The following CNST variants were observed in gnomAD, a reference collection of about 807,000 sequenced individuals.
CNST encodes consortin, connexin sorting protein, also known as consortin.
Under a neutral mutation model 72.4 loss-of-function variants are expected in CNST, and 39 were observed. The observed-to-expected ratio is 0.54, with a 90% CI of 0.42 to 0.70. The LOEUF is 0.70. Ranked by LOEUF, CNST falls within the 30% of genes least tolerant of loss-of-function variation. The pLI, the probability that CNST is intolerant of heterozygous loss-of-function variation, is 0.00. For synonymous variants in CNST, 332 were observed against 320.1 expected (o/e 1.04, Z -0.40); for missense variants, 871 against 868.5 (o/e 1.00, Z -0.04).
chr1:246,615,713 T>C (rs1190835627), intron 2 of CNST, among the ~76,000 whole-genome samples: 1 of 151,314 alleles, frequency 6.6e-6, no homozygotes, highest in African/African-American at 2.4e-5. Flanking sequence ...ACCCCGTCTC[T>C]ACTAAAAATA....
chr1:246,627,164 C>T (rs1017158777), intron 3 of CNST, among the ~76,000 whole-genome samples: 1 of 152,276 alleles, frequency 6.6e-6, no homozygotes, highest in African/African-American at 2.4e-5. Flanking sequence ...TCTACATGAC[C>T]GTCACTGTGA....
chr1:246,634,988 C>CTGGGGTG (rs1270633328), intron 6 of CNST, among the ~76,000 whole-genome samples: 2 of 152,126 alleles, frequency 1.3e-5, no homozygotes, highest in Non-Finnish European at 2.9e-5. Flanking sequence ...TGTCTTCCGG[C>CTGGGGTG]CGGCCCTCTT....
chr1:246,614,621 G>A (rs536432179), intron 2 of CNST, among the ~76,000 whole-genome samples: 4 of 151,580 alleles, frequency 2.6e-5, no homozygotes, highest in Middle Eastern at 6.8e-3. Flanking sequence ...ATAGGCATGC[G>A]CCGCCACGCC....
chr1:246,591,303 G>C (rs1454762683), intron 1 of CNST, among the ~76,000 whole-genome samples: 4 of 152,194 alleles, frequency 2.6e-5, no homozygotes, highest in African/African-American at 4.8e-5. Context: ...TGATCATCAT[G>C]AGGAGACAGG....
chr1:246,645,423 ACTTTTTT>A, intron 8 of CNST, among the ~76,000 whole-genome samples: 1 of 106,082 alleles, frequency 9.4e-6, no homozygotes, highest in South Asian at 4.4e-4. Flanking sequence ...AAAGGTTAAA[ACTTTTTT>A]TTTTTTTTTT....
chr1:246,642,178 C>A (rs1265158593), intron 8 of CNST, 141 bp downstream of exon 8: 2 of 469,562 alleles, frequency 4.3e-6, no homozygotes, highest in Admixed American at 4.6e-5. Context: ...TGTACATATA[C>A]CTCTCCTAGA....
chr1:246,648,112 GT>G lies in CNST; in HGVS notation c.1836+80del, dbSNP rs535527194. ...ATATATATGTATTAAATATTGCCTT[GT>G]TTTTGTAAGTTTTCCCTTGTCTCAA... On this transcript the variant is annotated intron_variant, in intron 9 of 10. Coordinates refer to ENST00000366513, the MANE Select transcript of CNST (RefSeq NM_152609.3). 9.6e-4 allele frequency: 1,430 copies of G among 1,484,616 alleles called. 2 individuals carry two copies. Among genetic ancestry groups the G allele is most frequent in the Non-Finnish European group, 1.1e-3 (1,259 of 1,121,766 alleles). 92.0% of individuals were successfully genotyped at this position (1,484,616 alleles called of 1,614,324 possible). A position where few individuals can be genotyped will look rare whatever the true frequency, so the allele number is the denominator to read the frequency against.
chr1:246,633,623 G>A (rs1394614720), intron 4 of CNST, among the ~76,000 whole-genome samples: 2 of 149,908 alleles, frequency 1.3e-5, no homozygotes, highest in Non-Finnish European at 3.0e-5. Flanking sequence ...GGCGCCTGTA[G>A]TCTCAGCTAC....
chr1:246,615,985 T>G (rs556194428), intron 2 of CNST, among the ~76,000 whole-genome samples: 44 of 152,344 alleles, frequency 2.9e-4, no homozygotes, highest in Admixed American at 2.0e-4. Flanking sequence ...TTAGGTCTTA[T>G]GAATGTGCCT....
At chr1:246,572,172 C>T (rs1660106654) in intron 1 of CNST, among the ~76,000 whole-genome samples, 1 of 152,168 alleles carries the variant, frequency 6.6e-6, no homozygotes, top group African/African-American at 2.4e-5. Context: ...GTCAAGGCTG[C>T]AGTGAAGCAT....
intron 9 of CNST, among the ~76,000 whole-genome samples, chr1:246,650,039 T>A (rs1431652468): frequency 6.6e-6 from 1 of 152,024 alleles, no homozygotes; most frequent in Non-Finnish European, 1.5e-5. Context: ...TCCCAAATTA[T>A]TTTTCCCCAC....
At chr1:246,624,921 TG>T (rs1664318261) in intron 3 of CNST, among the ~76,000 whole-genome samples, 1 of 152,232 alleles carries the variant, frequency 6.6e-6, no homozygotes, top group African/African-American at 2.4e-5. Context: ...CCCAAAGTGC[TG>T]GGATTACAGG....
rs559054930 is a variant in CNST at position 246,659,360 on chromosome 1, C to T, written c.1837-839C>T. Among the ~76,000 whole-genome samples the T allele has an allele frequency of 2.3e-4, 35 of 152,224 alleles. 1 individual carries two copies. Among genetic ancestry groups the T allele is most frequent in the Middle Eastern group, 6.8e-3 (2 of 294 alleles). ...CTGTAATCCCAGCACTTTGGGAGGC[C>T]AAGGCGGGCAGATCACGAGGTCAGG... On this transcript the variant is annotated intron_variant, in intron 9 of 10. Transcript: ENST00000366513.
At chr1:246,627,929 T>C (rs988757963) in intron 3 of CNST, among the ~76,000 whole-genome samples, 6 of 151,512 alleles carry the variant, frequency 4.0e-5, no homozygotes, top group African/African-American at 1.5e-4. Flanking sequence ...TTTATATATA[T>C]AAAGGGGAGT....
chr1:246,623,690 A>G (rs1664235349), intron 3 of CNST, among the ~76,000 whole-genome samples: 1 of 151,872 alleles, frequency 6.6e-6, no homozygotes, highest in Non-Finnish European at 1.5e-5. Context: ...TGAACCCAGG[A>G]GGCGGAGGTT....
rs1429301944 is a variant in CNST, at chr1:246,641,789, T to C, written c.840+19T>C. ...ACATAAGGTAAGAGATTGTTTCTTTTGAATATATTTCTAGGAAAAATGTTT... is the reference window on the plus strand; with the variant it reads ...ACATAAGGTAAGAGATTGTTTCTTTCGAATATATTTCTAGGAAAAATGTTT... On this transcript the variant is annotated intron_variant, in intron 7 of 10. Transcript: ENST00000366513. The C allele has an allele frequency of 2.3e-6, 3 of 1,321,588 alleles. No individual in the cohort carries two copies. The highest frequency in any genetic ancestry group is 3.2e-6 in the Non-Finnish European group (3 of 926,710). 81.9% of individuals were successfully genotyped at this position (1,321,588 alleles called of 1,614,324 possible).
At chr1:246,648,581 T>G (rs950468362) in intron 9 of CNST, among the ~76,000 whole-genome samples, 1 of 152,116 alleles carries the variant, frequency 6.6e-6, no homozygotes, top group Admixed American at 6.5e-5. Flanking sequence ...TTTCATTGTT[T>G]GATAATACAA....
intron 1 of CNST, among the ~76,000 whole-genome samples, chr1:246,568,820 C>G (rs908495807): frequency 2.6e-5 from 4 of 152,232 alleles, no homozygotes; most frequent in African/African-American, 9.6e-5. Context: ...CCTCCGACCT[C>G]CACCTCTCAA....
intron 2 of CNST, among the ~76,000 whole-genome samples, chr1:246,615,218 C>G (rs1186644410): frequency 6.6e-6 from 1 of 152,166 alleles, no homozygotes; most frequent in Non-Finnish European, 1.5e-5. Flanking sequence ...CTCTGTCACC[C>G]AGGCTGGAGC....
Sources: gnomAD v4.1 joint callset for allele counts (sites outside exome capture counted in the v4.1 genomes callset) on GRCh38, gnomAD v4.1.1 for gene constraint, MANE v1.5 for transcripts, NCBI Gene and HGNC (gene_info 2026-07-23, HGNC 2026-07-21) for gene names.